PACRG: variants seen among roughly 807,000 people sequenced by gnomAD.
PACRG encodes parkin coregulated gene protein.
A neutral mutation model predicts 29.7 loss-of-function variants in PACRG; 29 were observed. The ratio of observed to expected loss-of-function variants is 0.98; its 90% confidence interval spans 0.73 to 1.33. PACRG has a LOEUF of 1.33. PACRG is among the 40% of genes most tolerant of loss of function. PACRG has a pLI of 0.00. For missense variants in PACRG, 279 were observed against 316.2 expected (o/e 0.88, Z 0.89); for synonymous variants, 116 against 118.7 (o/e 0.98, Z 0.15).
At chr6:163,275,198 T>C (rs1053695873) in intron 4 of PACRG, among the ~76,000 whole-genome samples, 2 of 152,156 alleles carry the variant, frequency 1.3e-5, no homozygotes, top group African/African-American at 2.4e-5. Context: ...ATTTGATATA[T>C]CTGCTTAAAA....
intron 4 of PACRG, among the ~76,000 whole-genome samples, chr6:163,133,935 AAACT>A (rs1180574832): frequency 1.3e-5 from 2 of 152,228 alleles, no homozygotes; most frequent in East Asian, 3.9e-4. Context: ...GCAATCACTG[AAACT>A]AACTACACAA....
At chr6:163,259,572 C>T (rs763751209) in intron 4 of PACRG, among the ~76,000 whole-genome samples, 1 of 152,198 alleles carries the variant, frequency 6.6e-6, no homozygotes, top group Non-Finnish European at 1.5e-5. Flanking sequence ...TTGACCTCTT[C>T]GGCTCCACTG....
chr6:163,061,711 C>T (rs929137856), intron 2 of PACRG, among the ~76,000 whole-genome samples: 2 of 152,214 alleles, frequency 1.3e-5, no homozygotes, highest in Non-Finnish European at 2.9e-5. Context: ...AACGTATGAA[C>T]ATGCACTTCT....
At chr6:162,896,678 G>A (rs1348763336) in intron 2 of PACRG, among the ~76,000 whole-genome samples, 9 of 152,166 alleles carry the variant, frequency 5.9e-5, no homozygotes, top group Admixed American at 5.9e-4. Flanking sequence ...TATGAAACAT[G>A]TATCAGAATT....
intron 1 of PACRG, among the ~76,000 whole-genome samples, chr6:162,770,038 GAA>G (rs1401963525): frequency 6.6e-6 from 1 of 151,904 alleles, no homozygotes; most frequent in Non-Finnish European, 1.5e-5. Context: ...ACAAATAAAT[GAA>G]AAGTCTATGC....
chr6:163,299,427 C>G (rs1784904499), intron 4 of PACRG, among the ~76,000 whole-genome samples: 1 of 152,198 alleles, frequency 6.6e-6, no homozygotes, highest in Admixed American at 6.5e-5. Context: ...CCGCCCTGCC[C>G]TGCAGCCAGA....
intron 2 of PACRG, among the ~76,000 whole-genome samples, chr6:162,907,440 G>A (rs185866808): frequency 6.6e-6 from 1 of 152,096 alleles, no homozygotes; most frequent in African/African-American, 2.4e-5. Context: ...TTAATTCCTA[G>A]GATCATTTGA....
chr6:162,961,735 C>T (rs1439691435), intron 2 of PACRG, among the ~76,000 whole-genome samples: 2 of 152,186 alleles, frequency 1.3e-5, no homozygotes, highest in African/African-American at 4.8e-5. Context: ...TTTCTACCCG[C>T]TTCCCTAGAG....
chr6:163,309,669 T>C (rs951945078), intron 4 of PACRG, among the ~76,000 whole-genome samples: 14 of 152,214 alleles, frequency 9.2e-5, no homozygotes, highest in African/African-American at 3.4e-4. Context: ...AAGTTAGTGT[T>C]TCCTGGGAGA....
chr6:163,108,435 C>T (rs934370019), intron 4 of PACRG, among the ~76,000 whole-genome samples: 17 of 131,008 alleles, frequency 1.3e-4, no homozygotes, highest in Non-Finnish European at 1.6e-4. Context: ...TGCTCTGTTG[C>T]CCAGGCTGGA....
At chr6:162,988,918 G>T (rs1455486786) in intron 2 of PACRG, among the ~76,000 whole-genome samples, 1 of 152,138 alleles carries the variant, frequency 6.6e-6, no homozygotes, top group African/African-American at 2.4e-5. Context: ...GGGCAAATAG[G>T]CAGGAGCTAC....
intron 3 of PACRG, among the ~76,000 whole-genome samples, chr6:163,083,674 C>T (rs769554257): frequency 1.1e-4 from 17 of 151,844 alleles, no homozygotes; most frequent in Admixed American, 3.3e-4. Flanking sequence ...GTTTATGTGC[C>T]GTGCCCATTT....
At chr6:162,835,074 A>AT (rs1446988474) in intron 2 of PACRG, among the ~76,000 whole-genome samples, 1 of 151,854 alleles carries the variant, frequency 6.6e-6, no homozygotes, top group Non-Finnish European at 1.5e-5. Flanking sequence ...ACTCTTTTTC[A>AT]TTTTCCCATT....
intron 2 of PACRG, among the ~76,000 whole-genome samples, chr6:162,816,867 C>G (rs1312455748): frequency 6.6e-6 from 1 of 152,204 alleles, no homozygotes; most frequent in African/African-American, 2.4e-5. Flanking sequence ...AGACCCTGCA[C>G]TCTTCTCTTG....
At chr6:162,792,738 C>G (rs1162280659) in intron 1 of PACRG, among the ~76,000 whole-genome samples, 1 of 152,180 alleles carries the variant, frequency 6.6e-6, no homozygotes, top group African/African-American at 2.4e-5. Flanking sequence ...AAAAGGCAAT[C>G]TGAGACAGGG....
chr6:162,744,672 A>G (rs932415199), intron 1 of PACRG, among the ~76,000 whole-genome samples: 1 of 152,130 alleles, frequency 6.6e-6, no homozygotes, highest in South Asian at 2.1e-4. Flanking sequence ...AAATAGGTAC[A>G]TAAGTTTTGG....
At chr6:162,816,681 G>A (rs1479146609) in intron 2 of PACRG, among the ~76,000 whole-genome samples, 2 of 152,140 alleles carry the variant, frequency 1.3e-5, no homozygotes, top group Admixed American at 6.5e-5. Context: ...ACATAGGCTT[G>A]GGAACCATCT....
chr6:162,866,976 G>A (rs539743427), intron 2 of PACRG, among the ~76,000 whole-genome samples: 5 of 152,336 alleles, frequency 3.3e-5, no homozygotes, highest in African/African-American at 4.8e-5. Flanking sequence ...CTCAGAGTTT[G>A]TCCATGATAG....
rs1779249451 is a variant in PACRG at position 163,174,474 on chromosome 6, T to A, written c.613+85066T>A. Among the ~76,000 whole-genome samples, 4 of 152,224 alleles carry A rather than the reference T, an allele frequency of 2.6e-5. No individual in the cohort carries two copies. In the South Asian group the frequency reaches 8.3e-4, roughly 32 times the overall value. ...CTCCTTATTCTTTTGAATATCACTT[T>A]GTTTTTACCATAGAGAGACTGTATA... On this transcript the variant is annotated intron_variant, in intron 4 of 4. Transcript: ENST00000366888.
Sources: gnomAD v4.1 joint callset for allele counts (sites outside exome capture counted in the v4.1 genomes callset) on GRCh38, gnomAD v4.1.1 for gene constraint, MANE v1.5 for transcripts, NCBI Gene and HGNC (gene_info 2026-07-23, HGNC 2026-07-21) for gene names.